Variants in NME8 observed in about 807,000 individuals in gnomAD.
The protein encoded by NME8 is NME/NM23 family member 8.
A neutral mutation model predicts 82.3 loss-of-function variants in NME8; 72 were observed. The observed-to-expected ratio is 0.87, with a 90% CI of 0.72 to 1.06. The LOEUF is 1.06. Ranked by LOEUF, NME8 falls within the 50% of genes least tolerant of loss-of-function variation. The pLI is 0.00. For missense variants in NME8, 712 were observed against 685.4 expected (o/e 1.04, Z -0.43); for synonymous variants, 267 against 228.5 (o/e 1.17, Z -1.52).
chr7:37,889,327 AT>A (rs199632150), intron 15 of NME8, among the ~76,000 whole-genome samples: 3,075 of 150,598 alleles, frequency 0.02, 42 homozygotes, highest in Non-Finnish European at 0.019. Flanking sequence ...CATGAGTTCT[AT>A]TTTTTTCTCT....
chr7:37,870,893 C>T (rs1185059999), intron 11 of NME8, among the ~76,000 whole-genome samples: 2 of 152,204 alleles, frequency 1.3e-5, no homozygotes, highest in East Asian at 3.9e-4. Context: ...TTTCACAGCT[C>T]TTGCTCTGGA....
rs1420353131 is a variant in NME8 at position 37,865,592 on chromosome 7, A to G, written c.596A>G (p.Asn199Ser). ...GTGCTCACTGAAGAACAAGTTGTCA[A>G]CTTCTATAGTCGAATAGCAGACCAG... Reference protein sequence around the residue: ...KTVLTEEQVVNFYSRIADQCD... With the variant: ...KTVLTEEQVVSFYSRIADQCD... The change falls in exon 10 of 18, where the codon AAC (asparagine) becomes AGC (serine). Residue 199 changes from asparagine to serine, a missense_variant. Transcript: ENST00000199447. 1.2e-5 allele frequency: 20 copies of G among 1,612,662 alleles called. No homozygotes were observed. Among genetic ancestry groups the G allele is most frequent in the Non-Finnish European group, 1.5e-5 (18 of 1,178,888 alleles).
chr7:37,862,000 T>C, intron 6 of NME8, 28 bp from the exon 7 acceptor site: 1 of 1,403,236 alleles, frequency 7.1e-7, no homozygotes, highest in Non-Finnish European at 1.0e-6. Flanking sequence ...AAATGAAAGT[T>C]CCCCTCCTGT....
intron 17 of NME8, among the ~76,000 whole-genome samples, chr7:37,897,678 C>G (rs1443154470): frequency 6.6e-6 from 1 of 151,834 alleles, no homozygotes; most frequent in East Asian, 1.9e-4. Context: ...CCCCCACCCC[C>G]CAACAGGCCC....
intron 5 of NME8, among the ~76,000 whole-genome samples, chr7:37,855,344 C>A (rs1319782788): frequency 6.6e-6 from 1 of 152,160 alleles, no homozygotes; most frequent in South Asian, 2.1e-4. Context: ...CTGGTGTTAT[C>A]TTTTCCTTTC....
intron 12 of NME8, among the ~76,000 whole-genome samples, chr7:37,882,623 G>GA (rs1361084492): frequency 1.2e-4 from 11 of 94,620 alleles, no homozygotes; most frequent in African/African-American, 3.7e-4. Context: ...GAGAAAGAAA[G>GA]AAAGAAAGAA....
In NME8 at chr7:37,876,805, C is replaced by T. The variant is rs776349211; in HGVS notation, c.819-27C>T. On this transcript the variant is annotated intron_variant, in intron 11 of 17. Coordinates refer to ENST00000199447, the MANE Select transcript of NME8 (RefSeq NM_016616.5). ...GTTATAAACCTCAGTTTATAATAATCTTAAATTATATTTTGGATTTTGACA... is the reference window on the plus strand; with the variant it reads ...GTTATAAACCTCAGTTTATAATAATTTTAAATTATATTTTGGATTTTGACA... 5 of 1,535,020 alleles carry T rather than the reference C, an allele frequency of 3.3e-6. No homozygotes were observed. In the African/African-American group the frequency reaches 6.9e-5, roughly 21 times the overall value.
chr7:37,884,350 C>A lies in NME8; in HGVS notation c.1042C>A (p.Gln348Lys). Residue 348 changes from glutamine to lysine, a missense_variant, in exon 13 of 18, where the codon CAA becomes AAA. Transcript: ENST00000199447. ...IKDEDFKILE[Q>K]RQVVLSEKEA... ...AGATGAAGACTTCAAAATACTGGAG[C>A]AAAGACAAGTAGTATTATCGGAAAA... The A allele has an allele frequency of 6.3e-7, 1 of 1,598,464 alleles. No homozygotes were observed. Among genetic ancestry groups the A allele is most frequent in the Non-Finnish European group, 8.6e-7 (1 of 1,165,952 alleles).
intron 11 of NME8, among the ~76,000 whole-genome samples, chr7:37,873,729 T>C (rs139689482): frequency 6.6e-6 from 1 of 152,234 alleles, no homozygotes; most frequent in African/African-American, 2.4e-5. Flanking sequence ...TAGAGCACCA[T>C]GTACAGCACA....
intron 16 of NME8, 115 bp downstream of exon 16, chr7:37,894,725 G>T: frequency 9.5e-7 from 1 of 1,052,106 alleles, no homozygotes; most frequent in Non-Finnish European, 1.4e-6. Context: ...TTCATGAAAA[G>T]ACATTCTGCT....
chr7:37,863,340 C>T lies in NME8; in HGVS notation c.388-56C>T, dbSNP rs77189213. On this transcript the variant is annotated intron_variant, in intron 7 of 17. Coordinates refer to ENST00000199447, the MANE Select transcript of NME8 (RefSeq NM_016616.5). ...GATACAAAATTTCTAAAAACCCACTCACTATCATATTAAAACATAACTGTG... is the reference window on the plus strand; with the variant it reads ...GATACAAAATTTCTAAAAACCCACTTACTATCATATTAAAACATAACTGTG... The T allele has an allele frequency of 8.1e-3, 8,274 of 1,025,036 alleles. 256 individuals are homozygous for T. The highest frequency in any genetic ancestry group is 0.072 in the East Asian group (3,029 of 42,076). 63.5% of individuals were successfully genotyped at this position (1,025,036 alleles called of 1,614,324 possible).
intron 5 of NME8, among the ~76,000 whole-genome samples, chr7:37,855,501 G>T (rs560881020): frequency 8.8e-6 from 1 of 113,348 alleles, no homozygotes; most frequent in African/African-American, 3.5e-5. Flanking sequence ...GAACTTTGCG[G>T]CATTCCCCTC....
intron 7 of NME8, among the ~76,000 whole-genome samples, chr7:37,863,128 T>A (rs980230489): frequency 7.2e-5 from 11 of 152,016 alleles, no homozygotes; most frequent in East Asian, 3.9e-4. Context: ...TCAAAAAAAA[T>A]TTAAAAAAAA....
chr7:37,880,811 C>T (rs552934552), intron 12 of NME8, among the ~76,000 whole-genome samples: 14 of 150,514 alleles, frequency 9.3e-5, no homozygotes, highest in South Asian at 6.3e-4. Flanking sequence ...GATTTTTTTT[C>T]GCCAGAGTTT....
intron 13 of NME8, 143 bp downstream of exon 13, chr7:37,884,590 C>T: frequency 3.0e-6 from 2 of 672,318 alleles, no homozygotes; most frequent in Non-Finnish European, 5.2e-6. Flanking sequence ...GTCCTGCTCC[C>T]ATCCCAATCC....
At chr7:37,876,797 A>T (rs1255868478) in intron 11 of NME8, 35 bp from the exon 12 acceptor site, 5 of 1,482,418 alleles carry the variant, frequency 3.4e-6, no homozygotes, top group East Asian at 2.3e-5. Flanking sequence ...ACCTCAGTTT[A>T]TAATAATCTT....
intron 13 of NME8, among the ~76,000 whole-genome samples, chr7:37,884,903 A>G (rs1785017356): frequency 1.3e-5 from 2 of 152,254 alleles, no homozygotes; most frequent in African/African-American, 2.4e-5. Context: ...CATGGGAACA[A>G]TGAAAGAAAC....
At chr7:37,859,173 C>A (rs1360426998) in intron 6 of NME8, among the ~76,000 whole-genome samples, 2 of 152,162 alleles carry the variant, frequency 1.3e-5, no homozygotes, top group Admixed American at 1.3e-4. Context: ...CGGGCCATCA[C>A]CCCGACCGCT....
chr7:37,896,705 T>C, intron 16 of NME8, 165 bp from the exon 17 acceptor site: 1 of 647,886 alleles, frequency 1.5e-6, no homozygotes, highest in Non-Finnish European at 2.7e-6. Context: ...ATAAACCTAT[T>C]AGAAGAGGGA....
Sources: allele counts gnomAD v4.1 joint callset (sites outside exome capture counted in the v4.1 genomes callset), GRCh38; gene constraint gnomAD v4.1.1; transcripts MANE v1.5; gene names NCBI Gene and HGNC (gene_info 2026-07-23, HGNC 2026-07-21).